Variants in NLRP13 observed in about 807,000 individuals in gnomAD.
NLRP13 encodes the protein NLR family pyrin domain containing 13.
In NLRP13, 82 loss-of-function variants were observed where a neutral mutation model predicts 94.4. The ratio of observed to expected loss-of-function variants is 0.87; its 90% CI spans 0.73 to 1.04. The LOEUF is 1.04. NLRP13 is among the 50% of genes least tolerant of loss of function. The probability of loss-of-function intolerance (pLI) is 0.00; values close to 1 mark genes in which losing one functional copy is unlikely to be tolerated. For missense variants in NLRP13, 1,426 were observed against 1,230.8 expected (o/e 1.16, Z -2.37); for synonymous variants, 553 against 464.7 (o/e 1.19, Z -2.45).
At chr19:55,891,826 A>G, downstream of NLRP13, 1 of 366,786 alleles carries the variant, frequency 2.7e-6, no homozygotes, top group Non-Finnish European at 4.9e-6. Flanking sequence ...TTACACTAGG[A>G]TTCCAGACCT....
At chr19:55,898,736 G>A in intron 10 of NLRP13, 34 bp downstream of exon 10, 1 of 1,562,870 alleles carries the variant, frequency 6.4e-7, no homozygotes, top group Non-Finnish European at 8.7e-7. Flanking sequence ...GAGTAGAGAA[G>A]GAAGACTCTG....
intron 9 of NLRP13, among the ~76,000 whole-genome samples, chr19:55,901,467 C>G (rs139840991): frequency 6.6e-6 from 1 of 152,132 alleles, no homozygotes; most frequent in East Asian, 1.9e-4. Flanking sequence ...AGCTGGAGAG[C>G]TAGTTTTCTT....
At position 55,911,771 on chromosome 19, in the gene NLRP13, T is replaced by G. The variant is rs146831220; in HGVS notation, c.2046A>C (p.Lys682Asn). Reference sequence around the variant, plus strand: ...CAGAAAGCCTTAGCTTATTTAACCTTTTACAGTGCTTTAGGCAAAATGAAG... The same window carrying G: ...CAGAAAGCCTTAGCTTATTTAACCTGTTACAGTGCTTTAGGCAAAATGAAG... ...QASSFCLKHC[K>N]RLNKLRLSVS... is the part of the protein sequence containing the mutation. The change falls in exon 5 of 11, where the codon AAA (lysine) becomes AAC (asparagine). Residue 682 changes from lysine (K) to asparagine (N), a missense_variant. By Grantham distance (94) the Lys-to-Asn change is moderately conservative (BLOSUM62 0). Coordinates refer to ENST00000342929, the MANE Select transcript of NLRP13 (RefSeq NM_176810.2). The G allele has an allele frequency of 1.0e-3, 1,633 of 1,613,986 alleles. 4 individuals are homozygous for G. The highest frequency in any genetic ancestry group is 1.3e-3 in the Non-Finnish European group (1,486 of 1,179,896).
At chr19:55,905,183 C>T (rs1466595217) in intron 7 of NLRP13, 71 bp from the exon 8 acceptor site, 1 of 1,498,548 alleles carries the variant, frequency 6.7e-7, no homozygotes, top group Non-Finnish European at 9.2e-7. Flanking sequence ...CTCTCTCAAC[C>T]CCTTAACCCC....
chr19:55,909,540 G>A (rs116487532), intron 6 of NLRP13, among the ~76,000 whole-genome samples: 6 of 146,284 alleles, frequency 4.1e-5, no homozygotes, highest in Non-Finnish European at 6.0e-5. Context: ...GGATCTCCAG[G>A]AAAAAAAAAA....
intron 4 of NLRP13, among the ~76,000 whole-genome samples, chr19:55,917,814 T>C (rs1986709425): frequency 6.6e-6 from 1 of 152,026 alleles, no homozygotes; most frequent in Non-Finnish European, 1.5e-5. Flanking sequence ...ATAATAATAG[T>C]GGGAGACTTC....
chr19:55,913,466 C>T (rs918621672), intron 4 of NLRP13, among the ~76,000 whole-genome samples, 173 bp from the exon 5 acceptor site: 2 of 139,018 alleles, frequency 1.4e-5, no homozygotes, highest in South Asian at 2.4e-4. Flanking sequence ...AGGAGAATGG[C>T]GTGAACCCGG....
At chr19:55,901,328 C>A (rs1338862918) in intron 9 of NLRP13, among the ~76,000 whole-genome samples, 1 of 152,160 alleles carries the variant, frequency 6.6e-6, no homozygotes, top group Non-Finnish European at 1.5e-5. Context: ...TGGCTGGGGT[C>A]GGACCACACA....
Position 55,929,340 on chromosome 19 carries a change from G to A in NLRP13, c.319+2653C>T, listed in dbSNP as rs183299826. Among the ~76,000 whole-genome samples, 5 of 152,290 alleles carry A rather than the reference G, an allele frequency of 3.3e-5. No individual in the cohort carries two copies. In the East Asian group the frequency reaches 9.6e-4, roughly 29 times the overall value. On this transcript the variant is annotated intron_variant, in intron 1 of 10. Transcript: ENST00000342929. The stretch of plus-strand genomic sequence containing the variant: ...CTCTTGCACACATATGGTTATTGCA[G>A]CACTGTTCACAATAGCAAAGACTTG...
intron 4 of NLRP13, among the ~76,000 whole-genome samples, chr19:55,922,767 G>C (rs538856855): frequency 1.2e-4 from 18 of 152,304 alleles, no homozygotes; most frequent in African/African-American, 4.3e-4. Context: ...CTACACCCAG[G>C]AGAAATGATA....
intron 2 of NLRP13, 33 bp downstream of exon 2, chr19:55,924,934 C>T: frequency 2.5e-6 from 4 of 1,569,536 alleles, no homozygotes; most frequent in Non-Finnish European, 3.5e-6. Context: ...ATCAAGCAAC[C>T]TGTCCATTAT....
chr19:55,901,929 G>A, intron 9 of NLRP13, 106 bp downstream of exon 9: 2 of 1,179,430 alleles, frequency 1.7e-6, no homozygotes, highest in East Asian at 2.5e-5. Flanking sequence ...ATGGCAAAGA[G>A]CTTGTCCACG....
Position 55,932,132 on chromosome 19 carries a change from C to T in NLRP13, c.180G>A (p.Leu60=). ...ACAGATTCAAAGGGTCGGCAGCTCT[C>T]AAGTTTGCCCAGGGGATACGCGGGA... ...GHFPRIPWAN[L]RAADPLNLSF... The change falls in exon 1 of 11, where the codon TTG becomes TTA. Residue 60 remains leucine (L), a synonymous_variant. Coordinates refer to ENST00000342929, the MANE Select transcript of NLRP13 (RefSeq NM_176810.2). 1 of 1,614,166 alleles carries T rather than the reference C, an allele frequency of 6.2e-7. No homozygotes were observed. Among genetic ancestry groups the T allele is most frequent in the Non-Finnish European group, 8.5e-7 (1 of 1,180,022 alleles).
At chr19:55,907,529 G>A (rs114164216) in intron 7 of NLRP13, among the ~76,000 whole-genome samples, 1,902 of 152,258 alleles carry the variant, frequency 0.012, 36 homozygotes, top group African/African-American at 0.042. Context: ...CAGAGATCAC[G>A]TCATTGCACT....
intron 7 of NLRP13, among the ~76,000 whole-genome samples, chr19:55,907,535 G>A (rs1464039398): frequency 6.6e-6 from 1 of 152,186 alleles, no homozygotes; most frequent in Non-Finnish European, 1.5e-5. Context: ...TCACGTCATT[G>A]CACTCCAGCC....
At chr19:55,911,077 C>T (rs900351208) in intron 5 of NLRP13, among the ~76,000 whole-genome samples, 3 of 152,148 alleles carry the variant, frequency 2.0e-5, no homozygotes. Flanking sequence ...TGCAAGACCA[C>T]CCCTAGCTTC....
intron 4 of NLRP13, among the ~76,000 whole-genome samples, chr19:55,920,070 G>A (rs890807882): frequency 2.6e-5 from 4 of 152,202 alleles, no homozygotes; most frequent in Non-Finnish European, 4.4e-5. Context: ...ATAAAAACAC[G>A]CACTAGGGAA....
intron 1 of NLRP13, among the ~76,000 whole-genome samples, chr19:55,927,881 G>A (rs762238580): frequency 6.6e-6 from 1 of 152,122 alleles, no homozygotes; most frequent in Admixed American, 6.6e-5. Context: ...TCCAGAACCT[G>A]AGCCCTTAAG....
intron 8 of NLRP13, among the ~76,000 whole-genome samples, chr19:55,904,522 A>G (rs1044967048): frequency 1.3e-5 from 2 of 152,044 alleles, no homozygotes; most frequent in Non-Finnish European, 2.9e-5. Context: ...AATCAACCCC[A>G]TCCCTGTCAT....
Sources: gnomAD v4.1 joint callset for allele counts (sites outside exome capture counted in the v4.1 genomes callset) on GRCh38, gnomAD v4.1.1 for gene constraint, MANE v1.5 for transcripts, NCBI Gene and HGNC (gene_info 2026-07-23, HGNC 2026-07-21) for gene names.